The following FANCA variants were observed in gnomAD, a reference collection of about 807,000 sequenced individuals.
The protein encoded by FANCA is Fanconi anemia group A protein.
Under a neutral mutation model 194.3 loss-of-function variants are expected in FANCA, and 236 were observed. That is an observed-to-expected ratio of 1.21 (90% CI 1.09 to 1.35). FANCA has a LOEUF of 1.35. FANCA is among the 40% of genes most tolerant of loss of function. FANCA has a pLI of 0.00. For synonymous variants in FANCA, 1,014 were observed against 715.8 expected, an observed-to-expected ratio of 1.42 and a Z score of -6.65; for missense variants, 2,628 against 1,813.9, an observed-to-expected ratio of 1.45 and a Z score of -8.15.
rs758046281 is a variant in FANCA, at chr16:89,762,042, A to C, written c.2779-20T>G. The C allele has an allele frequency of 6.3e-7, 1 of 1,588,388 alleles. No individual in the cohort carries two copies. Among genetic ancestry groups the C allele is most frequent in the African/African-American group, 1.3e-5 (1 of 74,616 alleles). ...AGTTAACTGAGAAAGAGAGCAAGCA[A>C]TTCAATACAATGAGGACAGAACACA... On this transcript the variant is annotated intron_variant, in intron 28 of 42. Coordinates refer to ENST00000389301, the MANE Select transcript of FANCA (RefSeq NM_000135.4).
At chr16:89,763,059 AAC>A (rs1206260460) in intron 28 of FANCA, among the ~76,000 whole-genome samples, 1 of 151,526 alleles carries the variant, frequency 6.6e-6, no homozygotes, top group Non-Finnish European at 1.5e-5. Context: ...CATCCTGGCT[AAC>A]ACAGTGAAAC....
chr16:89,795,808 T>G, intron 11 of FANCA, 98 bp downstream of exon 11: 1 of 863,218 alleles, frequency 1.2e-6, no homozygotes, highest in Non-Finnish European at 2.0e-6. Flanking sequence ...AAAGAGGTCC[T>G]AGAATTCCTG....
chr16:89,803,529 C>T (rs774272030), intron 7 of FANCA, among the ~76,000 whole-genome samples, 188 bp from the exon 8 acceptor site: 5 of 152,116 alleles, frequency 3.3e-5, no homozygotes, highest in Non-Finnish European at 5.9e-5. Flanking sequence ...GCTACACTAG[C>T]GTTCACCAAA....
At chr16:89,769,578 G>A (rs562598297) in intron 26 of FANCA, 10 of 526,796 alleles carry the variant, frequency 1.9e-5, no homozygotes, top group Admixed American at 3.1e-5. Context: ...AATGCTTAAC[G>A]ATATAGACAG....
chr16:89,773,228 G>A (rs1243849450), intron 22 of FANCA, 43 bp downstream of exon 22: 3 of 1,451,120 alleles, frequency 2.1e-6, no homozygotes, highest in Non-Finnish European at 2.8e-6. Flanking sequence ...CCAACCACAG[G>A]CTGCACACAT....
At chr16:89,753,019 T>A (rs17233385) in intron 30 of FANCA, among the ~76,000 whole-genome samples, 1 of 152,352 alleles carries the variant, frequency 6.6e-6, no homozygotes, top group East Asian at 1.9e-4. Context: ...TCAGTGGTCA[T>A]GCTCCTAGTC....
intron 26 of FANCA, among the ~76,000 whole-genome samples, chr16:89,767,884 C>A (rs2039186569): frequency 6.6e-6 from 1 of 152,138 alleles, no homozygotes; most frequent in African/African-American, 2.4e-5. Flanking sequence ...CGGGGTTTCC[C>A]CATGTTGGAC....
At chr16:89,768,949 A>T (rs935657775) in intron 26 of FANCA, among the ~76,000 whole-genome samples, 1 of 151,812 alleles carries the variant, frequency 6.6e-6, no homozygotes, top group African/African-American at 2.4e-5. Flanking sequence ...GTGAGTGGGG[A>T]CTGTCTGGTG....
chr16:89,804,922 A>G (rs933859052), intron 7 of FANCA, among the ~76,000 whole-genome samples: 2 of 152,122 alleles, frequency 1.3e-5, no homozygotes, highest in African/African-American at 2.4e-5. Flanking sequence ...CTGCAGTCCC[A>G]GCTACTAAGG....
chr16:89,738,856 G>C, intron 42 of FANCA, 26 bp downstream of exon 42: 1 of 1,614,214 alleles, frequency 6.2e-7, no homozygotes, highest in Non-Finnish European at 8.5e-7. Context: ...CCCCCACATG[G>C]CCCAAGGTGG....
chr16:89,810,786 A>C lies in FANCA; in HGVS notation c.443T>G (p.Leu148Arg). 2 of 1,613,312 alleles carry C rather than the reference A, an allele frequency of 1.2e-6. No individual in the cohort carries two copies. Among genetic ancestry groups the C allele is most frequent in the Non-Finnish European group, 1.7e-6 (2 of 1,179,176 alleles). Residue 148 changes from leucine to arginine, a missense_variant, in exon 5 of 43, where the codon CTG (leucine) becomes CGG (arginine). By Grantham distance (102) the Leu-to-Arg change is moderately radical. Coordinates refer to ENST00000389301, the MANE Select transcript of FANCA (RefSeq NM_000135.4). The stretch of plus-strand genomic sequence containing the variant: ...CAATAAATACTGAGCAAACTCTAAC[A>C]GGGAAGACAGCTTCTTCTGAAAAGA... The part of the protein sequence containing the change: ...TVEQRKKLSS[L>R]LEFAQYLLAH...
chr16:89,742,874 G>A lies in FANCA; in HGVS notation c.3691C>T (p.His1231Tyr), dbSNP rs756736443. 3.1e-6 allele frequency: 5 copies of A among 1,614,048 alleles called. No homozygotes were observed. The African/African-American group carries it at 5.3e-5, about 17-fold the overall frequency. ...TCCCTGACTTGTTGAATCGCAAAGT[G>A]CAGTGCAGCAGCTGAGAGCCAGTCC... ...NPDWLSAAAL[H>Y]FAIQQVREEN... Residue 1231 changes from histidine to tyrosine, a missense_variant, in exon 37 of 43, where the codon CAC becomes TAC. By Grantham distance (83) the His-to-Tyr change is moderately conservative. Coordinates refer to ENST00000389301, the MANE Select transcript of FANCA (RefSeq NM_000135.4).
At chr16:89,800,723 G>A (rs1426894399) in intron 8 of FANCA, among the ~76,000 whole-genome samples, 3 of 152,044 alleles carry the variant, frequency 2.0e-5, no homozygotes, top group Admixed American at 6.6e-5. Context: ...ACAGACCAAC[G>A]GAACAGGATA....
chr16:89,816,133 G>C (rs1450498459), intron 1 of FANCA, 147 bp from the exon 2 acceptor site: 4 of 704,656 alleles, frequency 5.7e-6, no homozygotes, highest in South Asian at 4.4e-5. Flanking sequence ...CGCAGGTCTC[G>C]GGAAACTAAC....
chr16:89,778,070 G>T (rs899511943), intron 20 of FANCA, among the ~76,000 whole-genome samples: 1 of 149,324 alleles, frequency 6.7e-6, no homozygotes, highest in Non-Finnish European at 1.5e-5. Flanking sequence ...GCTGAGGCAG[G>T]AGAATTCCTT....
intron 14 of FANCA, 139 bp downstream of exon 14, chr16:89,791,264 T>G (rs1293475595): frequency 4.3e-6 from 5 of 1,160,966 alleles, no homozygotes; most frequent in Non-Finnish European, 6.2e-6. Context: ...CAGAGGAAGA[T>G]CTGCCAAGGC....
At chr16:89,765,761 C>G (rs1214401924) in intron 27 of FANCA, among the ~76,000 whole-genome samples, 1 of 152,244 alleles carries the variant, frequency 6.6e-6, no homozygotes, top group African/African-American at 2.4e-5. Flanking sequence ...GCTCAGCATG[C>G]TGGGTGGGAA....
Position 89,810,909 on chromosome 16 carries a change from C to G in FANCA, c.426+20G>C, listed in dbSNP as rs1221912673. 1.9e-6 allele frequency: 3 copies of G among 1,614,168 alleles called. No individual in the cohort carries two copies. The highest frequency in any genetic ancestry group is 1.6e-4 in the Middle Eastern group (1 of 6,062). On this transcript the variant is annotated intron_variant, in intron 4 of 42. Transcript: ENST00000389301. ...AAAAGTAACAACGGGCAGGTTTCCT[C>G]ATCTTTGCTGGTGTCTTACTCTCTG... is the stretch of plus-strand genomic sequence containing the variant.
intron 20 of FANCA, 72 bp downstream of exon 20, chr16:89,778,729 A>G: frequency 1.4e-6 from 2 of 1,431,626 alleles, no homozygotes; most frequent in Non-Finnish European, 9.9e-7. Flanking sequence ...TTCTCTACAG[A>G]AGATCCACAA....
Sources: allele counts gnomAD v4.1 joint callset (sites outside exome capture counted in the v4.1 genomes callset), GRCh38; gene constraint gnomAD v4.1.1; transcripts MANE v1.5; gene names NCBI Gene and HGNC (gene_info 2026-07-23, HGNC 2026-07-21).